The following CORO2B variants were observed in gnomAD, a reference collection of about 807,000 sequenced individuals.
The protein encoded by CORO2B is coronin 2B.
Under a neutral mutation model 58.8 loss-of-function variants are expected in CORO2B, and 26 were observed. That is an observed-to-expected ratio of 0.44 (90% confidence interval 0.32 to 0.61). The LOEUF (loss-of-function observed/expected upper bound fraction) is 0.61. CORO2B is among the 20% of genes least tolerant of loss of function. CORO2B has a pLI of 0.04. For missense variants in CORO2B, 460 were observed against 645.1 expected (o/e 0.71, Z 3.11); for synonymous variants, 242 against 253.8 (o/e 0.95, Z 0.44).
the CORO2B span, among the ~76,000 whole-genome samples, chr15:68,550,889 G>A: frequency 3.9e-5 from 6 of 152,188 alleles, no homozygotes; most frequent in Non-Finnish European, 7.3e-5. Flanking sequence ...GGACTCGAAC[G>A]CAGCCCACCT....
At chr15:68,644,646 T>C (rs964544944) in intron 1 of CORO2B, among the ~76,000 whole-genome samples, 4 of 152,038 alleles carry the variant, frequency 2.6e-5, no homozygotes, top group Admixed American at 2.0e-4. Flanking sequence ...CACTAGAGAA[T>C]CCGAGGGGAT....
chr15:68,682,829 T>G (rs1195452691), intron 2 of CORO2B, among the ~76,000 whole-genome samples: 1 of 152,152 alleles, frequency 6.6e-6, no homozygotes, highest in Non-Finnish European at 1.5e-5. Flanking sequence ...GCTTTAGTAA[T>G]GCTCCCCAAA....
At chr15:68,718,179 G>A (rs1182266306) in intron 8 of CORO2B, among the ~76,000 whole-genome samples, 2 of 152,194 alleles carry the variant, frequency 1.3e-5, no homozygotes, top group Non-Finnish European at 1.5e-5. Context: ...CACATTGTTG[G>A]TTCTAGGAGA....
chr15:68,520,038 T>C, the CORO2B span, among the ~76,000 whole-genome samples: 6 of 152,264 alleles, frequency 3.9e-5, no homozygotes, highest in South Asian at 1.0e-3. Flanking sequence ...CTATGTATTA[T>C]ATGAAGCATG....
chr15:68,675,052 C>T (rs1310212891), intron 2 of CORO2B, among the ~76,000 whole-genome samples: 1 of 152,200 alleles, frequency 6.6e-6, no homozygotes, highest in African/African-American at 2.4e-5. Context: ...AGGAACTCTT[C>T]CCCCTTCCTT....
intron 1 of CORO2B, among the ~76,000 whole-genome samples, chr15:68,604,668 C>T (rs557692611): frequency 8.6e-5 from 13 of 151,808 alleles, no homozygotes; most frequent in African/African-American, 2.9e-4. Context: ...ATTCCTCATC[C>T]CAGCATTCCA....
chr15:68,650,443 C>A (rs888263101), intron 2 of CORO2B, among the ~76,000 whole-genome samples: 1 of 147,656 alleles, frequency 6.8e-6, no homozygotes, highest in African/African-American at 2.5e-5. Context: ...AAACCCCCGT[C>A]TCCACTAAAA....
rs570670106 is a variant in CORO2B, at chr15:68,641,321, G to T, written c.16-3839G>T. On this transcript the variant is annotated intron_variant, in intron 1 of 11. Transcript: ENST00000261861. ...CAGAAGTGCTAGCTGGGCTGTGGGG[G>T]CAACAGGAGATGGATAAGGAGTCAC... Among the ~76,000 whole-genome samples, 3 of 152,302 alleles carry T rather than the reference G, an allele frequency of 2.0e-5. No homozygotes were observed. In the South Asian group the frequency reaches 6.2e-4, roughly 32 times the overall value.
the CORO2B span, among the ~76,000 whole-genome samples, chr15:68,552,804 G>T: frequency 1.3e-5 from 2 of 152,142 alleles, no homozygotes; most frequent in East Asian, 3.9e-4. Context: ...CTTTCCTCAA[G>T]AAGTTCTCCC....
chr15:68,690,479 C>T (rs1892329664), intron 2 of CORO2B, among the ~76,000 whole-genome samples: 1 of 152,160 alleles, frequency 6.6e-6, no homozygotes, highest in Admixed American at 6.5e-5. Context: ...TTTTTTCCAG[C>T]TCTGTCTCCC....
chr15:68,628,806 C>T (rs756999740), intron 1 of CORO2B, among the ~76,000 whole-genome samples: 8 of 152,192 alleles, frequency 5.3e-5, no homozygotes, highest in Non-Finnish European at 1.2e-4. Flanking sequence ...CACCCAGCCT[C>T]TCCATTCATT....
intron 1 of CORO2B, among the ~76,000 whole-genome samples, chr15:68,631,673 C>A (rs879453260): frequency 2.2e-4 from 33 of 152,184 alleles, no homozygotes; most frequent in Admixed American, 3.9e-4. Flanking sequence ...ACCAACCAAC[C>A]CTGAAGTACA....
intron 1 of CORO2B, among the ~76,000 whole-genome samples, chr15:68,595,489 G>A (rs1357865260): frequency 6.6e-6 from 1 of 152,214 alleles, no homozygotes; most frequent in African/African-American, 2.4e-5. Flanking sequence ...GATATCCGCT[G>A]TCCTCCTTTA....
chr15:68,714,477 A>G lies in CORO2B; in HGVS notation c.766-82A>G, dbSNP rs984990406. The G allele has an allele frequency of 2.4e-5, 25 of 1,052,104 alleles. No homozygotes were observed. The Middle Eastern group carries it at 2.9e-3, about 122-fold the overall frequency. The allele number at this position is 1,052,104 out of a possible 1,614,324, so 65.2% of individuals were successfully genotyped here. On this transcript the variant is annotated intron_variant, in intron 6 of 11. Coordinates refer to ENST00000261861, the MANE Select transcript of CORO2B (RefSeq NM_006091.5). ...GAGGTCTTAACATAAAGTAGTTGCC[A>G]TCCTAAGAGGCCTTCCTGGGATTTG...
intron 2 of CORO2B, among the ~76,000 whole-genome samples, chr15:68,689,826 T>C (rs1164936593): frequency 2.0e-5 from 3 of 152,242 alleles, no homozygotes; most frequent in Non-Finnish European, 4.4e-5. Flanking sequence ...GTAATAAATG[T>C]GCAGAGGTCA....
chr15:68,723,369 G>C (rs1893212657), intron 11 of CORO2B, among the ~76,000 whole-genome samples: 1 of 151,198 alleles, frequency 6.6e-6, no homozygotes, highest in South Asian at 2.1e-4. Context: ...TGATCCACCT[G>C]CCTCAGCCTC....
At chr15:68,707,507 T>C (rs1261711056) in intron 3 of CORO2B, among the ~76,000 whole-genome samples, 1 of 152,204 alleles carries the variant, frequency 6.6e-6, no homozygotes, top group South Asian at 2.1e-4. Flanking sequence ...AGAGGTCGAT[T>C]ATATTCATCA....
chr15:68,567,872 T>G, the CORO2B span, among the ~76,000 whole-genome samples: 1 of 151,928 alleles, frequency 6.6e-6, no homozygotes, highest in Non-Finnish European at 1.5e-5. Flanking sequence ...ATATAAAAAT[T>G]AGTCGGGTTT....
chr15:68,715,767 T>A (rs1183670213), intron 8 of CORO2B, among the ~76,000 whole-genome samples: 2 of 152,082 alleles, frequency 1.3e-5, no homozygotes, highest in Non-Finnish European at 2.9e-5. Flanking sequence ...AGCCCCAAGC[T>A]CCCTAGGCTC....
Sources: allele counts gnomAD v4.1 joint callset (sites outside exome capture counted in the v4.1 genomes callset), GRCh38; gene constraint gnomAD v4.1.1; transcripts MANE v1.5; gene names NCBI Gene and HGNC (gene_info 2026-07-23, HGNC 2026-07-21).